The following RAB37 variants were observed in gnomAD, a reference collection of about 807,000 sequenced individuals.
RAB37 encodes the protein RAB37, member RAS oncogene family, also known as ras-related protein Rab-37.
A neutral mutation model predicts 33.1 loss-of-function variants in RAB37; 29 were observed. That is an observed-to-expected ratio of 0.88 (90% CI 0.65 to 1.20). The LOEUF (loss-of-function observed/expected upper bound fraction) is 1.20. RAB37 is among the 50% of genes most tolerant of loss of function. RAB37 has a pLI of 0.00. For missense variants in RAB37, 299 were observed against 301.1 expected, an observed-to-expected ratio of 0.99 and a Z score of 0.05; for synonymous variants, 128 against 119.5, an observed-to-expected ratio of 1.07 and a Z score of -0.47.
At chr17:74,674,226 C>T (rs1351204159) in intron 1 of RAB37, among the ~76,000 whole-genome samples, 4 of 152,014 alleles carry the variant, frequency 2.6e-5, no homozygotes, top group African/African-American at 9.7e-5. Flanking sequence ...AGGCATGTGC[C>T]ACCATGCCTG....
Position 74,745,406 on chromosome 17 carries a change from A to G in RAB37, c.667A>G (p.Met223Val), listed in dbSNP as rs778084858. The G allele has an allele frequency of 3.7e-6, 6 of 1,613,126 alleles. No homozygotes were observed. The highest frequency in any genetic ancestry group is 5.1e-6 in the Non-Finnish European group (6 of 1,179,278). ...GAAGCGCTCCAGCTGCTGCTCCTTC[A>G]TGTGAATCCCAGGGGGCAGAGAGGA... The part of the protein sequence containing the change: ...QKKRSSCCSF[M>V] The change falls in exon 9 of 9, where the codon ATG becomes GTG. Residue 223 changes from methionine to valine, a missense_variant. Coordinates refer to ENST00000392613, the MANE Select transcript of RAB37 (RefSeq NM_001006638.3). The surrounding 1 kb of genome is among the most constrained non-coding windows in gnomAD (Gnocchi z 4.5).
chr17:74,712,414 C>A (rs933845468), intron 1 of RAB37, among the ~76,000 whole-genome samples: 1 of 152,134 alleles, frequency 6.6e-6, no homozygotes, highest in Non-Finnish European at 1.5e-5. Context: ...CCTCTTCCCT[C>A]CTTTCAAAGT....
At chr17:74,743,916 A>G (rs1361351101) in intron 5 of RAB37, among the ~76,000 whole-genome samples, 1 of 152,122 alleles carries the variant, frequency 6.6e-6, no homozygotes. Context: ...TCATACTCCT[A>G]CCTCCAACCC....
intron 1 of RAB37, chr17:74,695,396 G>C (rs1199068999): frequency 1.0e-6 from 1 of 986,610 alleles, no homozygotes; most frequent in African/African-American, 1.6e-5. Flanking sequence ...CCTTCACTCT[G>C]CCAAGCACCC....
At chr17:74,706,493 C>T (rs1017255192) in intron 1 of RAB37, among the ~76,000 whole-genome samples, 2 of 151,784 alleles carry the variant, frequency 1.3e-5, no homozygotes, top group African/African-American at 4.8e-5. Context: ...CATGGAGAAA[C>T]GCCATCTCTA....
In RAB37 at chr17:74,746,190, C is replaced by G. The variant is rs1390897312; in HGVS notation, c.*779C>G. On this transcript the variant is annotated 3_prime_UTR_variant, in exon 9 of 9. Transcript: ENST00000392613. This position sits in a 1 kb window ranked among gnomAD's most constrained non-coding sequence, Gnocchi z 5.2. ...GCTTAGCTACCTTCCTGCCTGTGCA[C>G]CTAAAAACCTCAGGTCAGAACTAGG... is the stretch of plus-strand genomic sequence containing the variant. The G allele has an allele frequency of 6.6e-6, 1 of 152,156 alleles. No homozygotes were observed. 9.4% of individuals were successfully genotyped at this position (152,156 alleles called of 1,614,324 possible).
At chr17:74,719,061 A>C (rs574462939) in intron 1 of RAB37, among the ~76,000 whole-genome samples, 1 of 152,220 alleles carries the variant, frequency 6.6e-6, no homozygotes, top group Non-Finnish European at 1.5e-5. Context: ...GAACCTAGAA[A>C]TTCTCTAAAA....
At chr17:74,705,887 G>T (rs530592566) in intron 1 of RAB37, among the ~76,000 whole-genome samples, 13 of 152,132 alleles carry the variant, frequency 8.5e-5, no homozygotes, top group African/African-American at 3.1e-4. Flanking sequence ...GCCCCACAAC[G>T]CCTGGCCTGT....
intron 1 of RAB37, among the ~76,000 whole-genome samples, chr17:74,727,108 C>A (rs568101003): frequency 4.6e-5 from 7 of 152,364 alleles, no homozygotes; most frequent in Non-Finnish European, 7.3e-5. Flanking sequence ...GGCCTTCCCC[C>A]TCTTTTCCCA....
chr17:74,739,473 T>C (rs1011584182), intron 1 of RAB37, among the ~76,000 whole-genome samples: 97 of 149,696 alleles, frequency 6.5e-4, no homozygotes, highest in African/African-American at 2.3e-3. Context: ...AACTTCCAAC[T>C]ACACATCTCC....
At position 74,716,590 on chromosome 17, in the gene RAB37, G is replaced by A. The variant is rs139192634; in HGVS notation, c.73-12666G>A. Among the ~76,000 whole-genome samples, 196 of 152,240 alleles carry A rather than the reference G, an allele frequency of 1.3e-3. 1 individual carries two copies. The Middle Eastern group carries it at 0.024, about 18-fold the overall frequency. The stretch of plus-strand genomic sequence containing the variant: ...TCTCATTTTTCAAAGAAATTGAGAC[G>A]CAGAGAGCAAGTGACGTGTCCAAGG... On this transcript the variant is annotated intron_variant, in intron 1 of 7. Transcript: ENST00000340415.
intron 1 of RAB37, among the ~76,000 whole-genome samples, chr17:74,686,164 C>T (rs2032050977): frequency 6.6e-6 from 1 of 152,162 alleles, no homozygotes; most frequent in South Asian, 2.1e-4. Flanking sequence ...GCCATTTCGG[C>T]TTACCGTAAC....
In RAB37 at chr17:74,696,246, G is replaced by A. The variant is rs2032465196; in HGVS notation, c.72+24588G>A. 3 of 1,598,278 alleles carry A rather than the reference G, an allele frequency of 1.9e-6. No individual in the cohort carries two copies. In the South Asian group the frequency reaches 3.4e-5, roughly 18 times the overall value. ...AAAGACAAACAACAATTCAGAATTA[G>A]AAAGCCCATTCCCCAGACTCACAAG... On this transcript the variant is annotated intron_variant, in intron 1 of 7. Coordinates refer to the RAB37 transcript ENST00000340415.
At position 74,738,129 on chromosome 17, in the gene RAB37, C is replaced by T. The variant is rs2034524058; in HGVS notation, c.93+764C>T. Among the ~76,000 whole-genome samples the T allele has an allele frequency of 6.6e-6, 1 of 152,090 alleles. No homozygotes were observed. Among genetic ancestry groups the T allele is most frequent in the Admixed American group, 6.5e-5 (1 of 15,268 alleles). On this transcript the variant is annotated intron_variant, in intron 1 of 8. Transcript: ENST00000392613. The surrounding 1 kb of genome is among the most constrained non-coding windows in gnomAD (Gnocchi z 5.0). ...CTGTGTCCTTGGAGTGAGCGGGTAC[C>T]AGAAACTGAAAGAACTGCTGAGGGA...
At chr17:74,717,064 G>A (rs1234004796) in intron 1 of RAB37, among the ~76,000 whole-genome samples, 1 of 152,204 alleles carries the variant, frequency 6.6e-6, no homozygotes, top group African/African-American at 2.4e-5. Flanking sequence ...GAACCTGGGA[G>A]GCAGAGGTTG....
Position 74,671,731 on chromosome 17 carries a change from G to A in RAB37, c.72+73G>A, listed in dbSNP as rs922886039. On this transcript the variant is annotated intron_variant, in intron 1 of 7. Coordinates refer to the RAB37 transcript ENST00000340415. The surrounding 1 kb of genome is among the most constrained non-coding windows in gnomAD (Gnocchi z 5.0). ...CACCAGGAGTTTTCTCCACTCCCCTGACTTTGCTTTGGGACTTAATGAGAA... is the reference window on the plus strand; with the variant it reads ...CACCAGGAGTTTTCTCCACTCCCCTAACTTTGCTTTGGGACTTAATGAGAA... 6.5e-6 allele frequency: 9 copies of A among 1,376,654 alleles called. No homozygotes were observed. In the African/African-American group the frequency reaches 1.3e-4, roughly 20 times the overall value. The allele number at this position is 1,376,654 out of a possible 1,614,324, so 85.3% of individuals were successfully genotyped here.
chr17:74,745,153 G>A lies in RAB37; in HGVS notation c.566+69G>A, dbSNP rs997131409. 27 of 1,572,294 alleles carry A rather than the reference G, an allele frequency of 1.7e-5. No individual in the cohort carries two copies. The East Asian group carries it at 3.1e-4, about 18-fold the overall frequency. On this transcript the variant is annotated intron_variant, in intron 8 of 8. Coordinates refer to ENST00000392613, the MANE Select transcript of RAB37 (RefSeq NM_001006638.3). The surrounding 1 kb of genome is among the most constrained non-coding windows in gnomAD (Gnocchi z 4.5). The stretch of plus-strand genomic sequence containing the variant: ...ACACTCCAGGAATCCAGTAGGGCCC[G>A]GCCCCTGGCCCAGCCCCTGGACACA...
At chr17:74,677,838 T>C (rs2031868963) in intron 1 of RAB37, among the ~76,000 whole-genome samples, 1 of 152,178 alleles carries the variant, frequency 6.6e-6, no homozygotes, top group Admixed American at 6.5e-5. Context: ...TCAAAGTCGT[T>C]TTCCAAACTC....
chr17:74,704,400 A>C, intron 1 of RAB37: 2 of 1,036,576 alleles, frequency 1.9e-6, no homozygotes, highest in Non-Finnish European at 1.4e-6. Context: ...AGTGACAATT[A>C]AATCACTTGA....
Sources: gnomAD v4.1 joint callset for allele counts (sites outside exome capture counted in the v4.1 genomes callset) on GRCh38, gnomAD v4.1.1 for gene constraint, Gnocchi (gnomAD v3.1) non-coding constraint, MANE v1.5 for transcripts, NCBI Gene and HGNC (gene_info 2026-07-23, HGNC 2026-07-21) for gene names.